RALYL: variants seen among roughly 807,000 people sequenced by gnomAD.
The protein encoded by RALYL is RALY RNA binding protein like, also known as RNA-binding Raly-like protein.
RALYL carries 29 observed loss-of-function variants against 35.1 expected under a neutral mutation model. The observed-to-expected ratio is 0.83, with a 90% confidence interval of 0.61 to 1.13. The LOEUF (loss-of-function observed/expected upper bound fraction) is 1.13. Ranked by LOEUF, RALYL falls within the 50% of genes most tolerant of loss-of-function variation. The pLI is 0.00. For synonymous variants in RALYL, 120 were observed against 127.6 expected (o/e 0.94, Z 0.40); for missense variants, 359 against 360.4 (o/e 1.00, Z 0.03).
intron 4 of RALYL, among the ~76,000 whole-genome samples, chr8:84,824,120 A>G (rs1280949331): frequency 6.6e-6 from 1 of 152,166 alleles, no homozygotes; most frequent in Non-Finnish European, 1.5e-5. Flanking sequence ...AGACTCCACC[A>G]AAAGGCTCCT....
chr8:84,306,874 T>C (rs1841920532), intron 1 of RALYL, among the ~76,000 whole-genome samples: 1 of 152,146 alleles, frequency 6.6e-6, no homozygotes, highest in South Asian at 2.1e-4. Context: ...ATTAAGAAAA[T>C]GGCACAAGCA....
At chr8:84,735,800 C>A (rs1847153567) in intron 2 of RALYL, among the ~76,000 whole-genome samples, 1 of 136,728 alleles carries the variant, frequency 7.3e-6, no homozygotes, top group African/African-American at 3.1e-5. Flanking sequence ...TCCTTAAGAT[C>A]ATCCAAACCG....
At chr8:84,846,015 G>A (rs1834570832) in intron 4 of RALYL, among the ~76,000 whole-genome samples, 1 of 152,040 alleles carries the variant, frequency 6.6e-6, no homozygotes, top group Non-Finnish European at 1.5e-5. Flanking sequence ...TTTGTACCAG[G>A]ACCATGCTTT....
chr8:84,326,080 C>T (rs185158983), intron 1 of RALYL, among the ~76,000 whole-genome samples: 3,844 of 152,204 alleles, frequency 0.025, 154 homozygotes, highest in African/African-American at 0.087. Flanking sequence ...CCACTGTACT[C>T]CAGCCTGGGC....
intron 2 of RALYL, among the ~76,000 whole-genome samples, chr8:84,746,169 C>T (rs1808553487): frequency 6.6e-6 from 1 of 151,962 alleles, no homozygotes; most frequent in African/African-American, 2.4e-5. Flanking sequence ...CAGAAGATGC[C>T]TGTCACAGGA....
At chr8:84,210,015 G>A (rs1031869960) in intron 1 of RALYL, among the ~76,000 whole-genome samples, 1 of 152,054 alleles carries the variant, frequency 6.6e-6, no homozygotes, top group Non-Finnish European at 1.5e-5. Context: ...TCACACAAAG[G>A]CAAAAGTAGT....
chr8:84,874,334 G>A (rs1484721388), intron 7 of RALYL, among the ~76,000 whole-genome samples: 1 of 152,108 alleles, frequency 6.6e-6, no homozygotes, highest in East Asian at 1.9e-4. Context: ...TCTTCATTTT[G>A]CAGATGAGAA....
intron 1 of RALYL, among the ~76,000 whole-genome samples, chr8:84,499,904 G>A (rs2056480524): frequency 1.3e-5 from 2 of 151,980 alleles, no homozygotes; most frequent in South Asian, 4.1e-4. Flanking sequence ...GCAGGTGCAT[G>A]CCACCATGCC....
At chr8:84,712,065 AC>A (rs1842278789) in intron 2 of RALYL, among the ~76,000 whole-genome samples, 1 of 152,180 alleles carries the variant, frequency 6.6e-6, no homozygotes, top group Non-Finnish European at 1.5e-5. Context: ...TCTAGAGGAC[AC>A]TATTAAATTC....
chr8:84,405,823 CTTTTTTTTT>C (rs776007226), intron 1 of RALYL, among the ~76,000 whole-genome samples: 1 of 118,154 alleles, frequency 8.5e-6, no homozygotes, highest in Non-Finnish European at 1.8e-5. Context: ...TATTTTCATT[CTTTTTTTTT>C]TTTTTTTTTT....
At chr8:84,632,121 C>T (rs1459231848) in intron 2 of RALYL, among the ~76,000 whole-genome samples, 1 of 151,742 alleles carries the variant, frequency 6.6e-6, no homozygotes, top group East Asian at 1.9e-4. Flanking sequence ...GCTCATTATC[C>T]CCTCCCACCA....
intron 3 of RALYL, among the ~76,000 whole-genome samples, chr8:84,778,821 T>C (rs892820277): frequency 2.0e-5 from 3 of 152,158 alleles, no homozygotes; most frequent in Admixed American, 2.0e-4. Context: ...CACAAATATG[T>C]CCAGGGTTTT....
intron 4 of RALYL, among the ~76,000 whole-genome samples, chr8:84,824,878 A>T (rs1829326009): frequency 6.6e-6 from 1 of 152,184 alleles, no homozygotes; most frequent in African/African-American, 2.4e-5. Context: ...TGGATTAAAT[A>T]TTTAAATATA....
chr8:84,559,023 C>T (rs530147588), intron 2 of RALYL, among the ~76,000 whole-genome samples: 62 of 152,108 alleles, frequency 4.1e-4, no homozygotes, highest in Non-Finnish European at 4.9e-4. Context: ...CATGTTTTTT[C>T]TGAAAAATAA....
intron 3 of RALYL, among the ~76,000 whole-genome samples, chr8:84,801,884 T>C (rs1823377072): frequency 6.6e-6 from 1 of 152,184 alleles, no homozygotes; most frequent in Non-Finnish European, 1.5e-5. Context: ...GTTAGTAGGA[T>C]CAGAGGTTGA....
At chr8:84,698,458 A>G (rs1332848647) in intron 2 of RALYL, among the ~76,000 whole-genome samples, 2 of 152,164 alleles carry the variant, frequency 1.3e-5, no homozygotes, top group Non-Finnish European at 1.5e-5. Flanking sequence ...GAAGCAGAAT[A>G]TGCAAGATAT....
chr8:84,514,596 T>C (rs2057911181), intron 1 of RALYL, among the ~76,000 whole-genome samples: 2 of 152,080 alleles, frequency 1.3e-5, no homozygotes, highest in African/African-American at 4.8e-5. Context: ...TATCACAAGG[T>C]CACTAATTCC....
chr8:84,740,649 A>G (rs1400019683), intron 2 of RALYL, among the ~76,000 whole-genome samples: 6 of 152,018 alleles, frequency 3.9e-5, no homozygotes, highest in African/African-American at 1.4e-4. Flanking sequence ...CTGAAACTTG[A>G]TACCTATTTA....
chr8:84,683,768 C>A (rs1167895302), intron 2 of RALYL, among the ~76,000 whole-genome samples: 1 of 152,142 alleles, frequency 6.6e-6, no homozygotes, highest in South Asian at 2.1e-4. Flanking sequence ...TTCACTGCAA[C>A]CTCCGCCTCC....
Sources: gnomAD v4.1 joint callset for allele counts (sites outside exome capture counted in the v4.1 genomes callset) on GRCh38, gnomAD v4.1.1 for gene constraint, MANE v1.5 for transcripts, NCBI Gene and HGNC (gene_info 2026-07-23, HGNC 2026-07-21) for gene names.